The following GLIS1 variants were observed in gnomAD, a reference collection of about 807,000 sequenced individuals.
The protein encoded by GLIS1 is zinc finger protein GLIS1.
In GLIS1, 24 loss-of-function variants were observed where a neutral mutation model predicts 63.8. The observed-to-expected ratio is 0.38, with a 90% confidence interval of 0.27 to 0.53. The LOEUF (loss-of-function observed/expected upper bound fraction) is 0.53, where lower values mean the gene tolerates loss of function less well. Among genes scored for constraint, GLIS1 ranks in the 20% least tolerant of loss-of-function variants. The pLI, the probability that GLIS1 is intolerant of heterozygous loss-of-function variation, is 0.85. For synonymous variants in GLIS1, 450 were observed against 482.5 expected (o/e 0.93, Z 0.88); for missense variants, 1,036 against 1,074.1 (o/e 0.96, Z 0.50).
chr1:53,538,619 G>A (rs1644606463), intron 4 of GLIS1, among the ~76,000 whole-genome samples: 1 of 152,162 alleles, frequency 6.6e-6, no homozygotes, highest in African/African-American at 2.4e-5. Flanking sequence ...CAGCTGGCAG[G>A]CCAGGGAGGG....
At chr1:53,569,664 T>G (rs1024315988) in intron 4 of GLIS1, among the ~76,000 whole-genome samples, 19 of 152,110 alleles carry the variant, frequency 1.2e-4, no homozygotes, top group African/African-American at 4.3e-4. Context: ...ATGTTCTTTA[T>G]TCACATCTAT....
At chr1:53,531,088 C>T (rs1416077595) in intron 4 of GLIS1, among the ~76,000 whole-genome samples, 2 of 152,258 alleles carry the variant, frequency 1.3e-5, no homozygotes, top group Non-Finnish European at 2.9e-5. Flanking sequence ...AATGACAGGA[C>T]TCAGGCCAAG....
intron 8 of GLIS1, 37 bp downstream of exon 8, chr1:53,514,588 T>C (rs1237705184): frequency 3.8e-6 from 6 of 1,595,388 alleles, no homozygotes; most frequent in Non-Finnish European, 5.1e-6. Flanking sequence ...GATCCCCCCT[T>C]GTTGCCCCTG....
intron 4 of GLIS1, among the ~76,000 whole-genome samples, chr1:53,572,402 G>T (rs563025983): frequency 3.9e-5 from 6 of 152,152 alleles, no homozygotes; most frequent in Admixed American, 3.9e-4. Flanking sequence ...AAAGATCAGC[G>T]CAGTCACTGG....
In GLIS1 at chr1:53,528,579, A is replaced by G. The variant is rs556903094; in HGVS notation, c.1482+1212T>C. ...CAGGGCCTGGCCTGGCCCCAAGAACATTGCTTCCCTGCTGTTTTCTGGGCA... is the reference window on the plus strand; with the variant it reads ...CAGGGCCTGGCCTGGCCCCAAGAACGTTGCTTCCCTGCTGTTTTCTGGGCA... On this transcript the variant is annotated intron_variant, in intron 5 of 10. Coordinates refer to ENST00000628545, the MANE Select transcript of GLIS1 (RefSeq NM_001367484.1). 1.8e-4 allele frequency among the ~76,000 whole-genome samples: 27 copies of G among 152,014 alleles called. 1 individual carries two copies. The South Asian group carries it at 5.4e-3, about 30-fold the overall frequency.
In GLIS1 at chr1:53,506,575, T is replaced by A. The variant is rs1569700335; in HGVS notation, c.*44A>T. On this transcript the variant is annotated 3_prime_UTR_variant, in exon 11 of 11. Coordinates refer to ENST00000628545, the MANE Select transcript of GLIS1 (RefSeq NM_001367484.1). ...TGGGAGCGACAGCAGGTGGGCGAGG[T>A]GGCATCTGCAGTGCTGGATGGGCAG... 1 of 1,591,608 alleles carries A rather than the reference T, an allele frequency of 6.3e-7. No individual in the cohort carries two copies. Among genetic ancestry groups the A allele is most frequent in the Admixed American group, 1.7e-5 (1 of 59,596 alleles).
chr1:53,704,411 CG>C (rs1370231923), intron 2 of GLIS1, among the ~76,000 whole-genome samples: 4 of 152,222 alleles, frequency 2.6e-5, no homozygotes, highest in African/African-American at 9.6e-5. Flanking sequence ...ACAGAATTAG[CG>C]GCAGGGCCAT....
At chr1:53,713,449 C>A (rs1646665827) in intron 2 of GLIS1, among the ~76,000 whole-genome samples, 2 of 152,126 alleles carry the variant, frequency 1.3e-5, no homozygotes, top group Admixed American at 6.5e-5. Flanking sequence ...CCAGCCTGGG[C>A]AACATGGTGA....
At chr1:53,663,018 C>T (rs1646046169) in intron 2 of GLIS1, among the ~76,000 whole-genome samples, 1 of 152,140 alleles carries the variant, frequency 6.6e-6, no homozygotes, top group Non-Finnish European at 1.5e-5. Flanking sequence ...CAATCCAGAG[C>T]CCATGAATGG....
Position 53,594,784 on chromosome 1 carries a change from A to C in GLIS1, c.644T>G (p.Leu215Arg), listed in dbSNP as rs747598272. ...GCCAGAGCTGGGTTCGCTGCCCAGA[A>C]GGTAGCAGGAAGGCGCAGGGGTGGC... ...SLATPAPSCYLLGSEPSSGLG... is the reference protein window; with the variant it reads ...SLATPAPSCYRLGSEPSSGLG... Residue 215 changes from leucine to arginine, a missense_variant, in exon 4 of 11, where the codon CTT becomes CGT. Coordinates refer to ENST00000628545, the MANE Select transcript of GLIS1 (RefSeq NM_001367484.1). 1.2e-6 allele frequency: 2 copies of C among 1,605,180 alleles called. No homozygotes were observed. The highest frequency in any genetic ancestry group is 1.7e-6 in the Non-Finnish European group (2 of 1,176,094).
intron 2 of GLIS1, among the ~76,000 whole-genome samples, chr1:53,704,412 G>A (rs1646554821): frequency 6.6e-6 from 1 of 152,236 alleles, no homozygotes; most frequent in Non-Finnish European, 1.5e-5. Flanking sequence ...CAGAATTAGC[G>A]GCAGGGCCAT....
chr1:53,652,685 G>A (rs1645922040), intron 2 of GLIS1, among the ~76,000 whole-genome samples: 1 of 152,146 alleles, frequency 6.6e-6, no homozygotes, highest in Non-Finnish European at 1.5e-5. Context: ...TCTCTTCCAT[G>A]TGTTTCCCGA....
chr1:53,633,024 G>A (rs1367945046), intron 2 of GLIS1, among the ~76,000 whole-genome samples: 3 of 146,596 alleles, frequency 2.0e-5, no homozygotes, highest in Admixed American at 6.8e-5. Context: ...GAGTGTGACC[G>A]AGGGGCATGT....
At chr1:53,619,731 G>T (rs1434552672) in intron 2 of GLIS1, among the ~76,000 whole-genome samples, 1 of 152,222 alleles carries the variant, frequency 6.6e-6, no homozygotes, top group African/African-American at 2.4e-5. Flanking sequence ...CATTCCTATG[G>T]GAACTGTACA....
intron 2 of GLIS1, 65 bp downstream of exon 2, chr1:53,737,741 T>G (rs930010775): frequency 8.2e-7 from 1 of 1,226,516 alleles, no homozygotes; most frequent in African/African-American, 1.6e-5. Context: ...GAGCACGCGG[T>G]GGCGACGCCG....
chr1:53,653,825 T>A (rs1411753615), intron 2 of GLIS1, among the ~76,000 whole-genome samples: 11 of 151,996 alleles, frequency 7.2e-5, no homozygotes. Flanking sequence ...TCCCCATGCA[T>A]CTCCTGATCC....
chr1:53,704,554 G>A (rs746861820), intron 2 of GLIS1, among the ~76,000 whole-genome samples: 8 of 152,190 alleles, frequency 5.3e-5, no homozygotes, highest in Non-Finnish European at 8.8e-5. Context: ...GAAGTGGGAG[G>A]GAGGGGAAAG....
rs1431619766 is a variant in GLIS1, at chr1:53,715,935, C to T, written c.259+21871G>A. On this transcript the variant is annotated intron_variant, in intron 2 of 10. Coordinates refer to ENST00000628545, the MANE Select transcript of GLIS1 (RefSeq NM_001367484.1). ...GACGCAGGAAGGCATGGTGGCTTTG[C>T]TTTTTGAGCTGGCAGGTCCTGAAGC... 3.3e-5 allele frequency among the ~76,000 whole-genome samples: 5 copies of T among 152,262 alleles called. No individual in the cohort carries two copies. In the East Asian group the frequency reaches 5.8e-4, roughly 18 times the overall value.
intron 2 of GLIS1, among the ~76,000 whole-genome samples, chr1:53,667,855 A>C (rs1570016551): frequency 1.3e-5 from 2 of 152,162 alleles, no homozygotes; most frequent in South Asian, 4.1e-4. Context: ...CCCATCTCTT[A>C]ATACTATTAT....
Sources: allele counts gnomAD v4.1 joint callset (sites outside exome capture counted in the v4.1 genomes callset), GRCh38; gene constraint gnomAD v4.1.1; transcripts MANE v1.5; gene names NCBI Gene and HGNC (gene_info 2026-07-23, HGNC 2026-07-21).